FAM168A: variants seen among roughly 807,000 people sequenced by gnomAD.
FAM168A encodes protein FAM168A.
Under a neutral mutation model 28.5 loss-of-function variants are expected in FAM168A, and 3 were observed. That is an observed-to-expected ratio of 0.11 (90% CI 0.05 to 0.27). The LOEUF (loss-of-function observed/expected upper bound fraction) is 0.27. Among genes scored for constraint, FAM168A ranks in the 10% least tolerant of loss-of-function variants. The pLI is 1.00. For missense variants in FAM168A, 222 were observed against 311.5 expected, an observed-to-expected ratio of 0.71 and a Z score of 2.16; for synonymous variants, 122 against 124.2, an observed-to-expected ratio of 0.98 and a Z score of 0.12.
intron 1 of FAM168A, among the ~76,000 whole-genome samples, chr11:73,587,582 G>A (rs888905272): frequency 6.6e-6 from 1 of 152,064 alleles, no homozygotes; most frequent in Non-Finnish European, 1.5e-5. Context: ...CCAGCTACTA[G>A]AGAAGCTGAG....
At chr11:73,473,918 A>G (rs1287286780) in intron 1 of FAM168A, among the ~76,000 whole-genome samples, 1 of 151,824 alleles carries the variant, frequency 6.6e-6, no homozygotes, top group African/African-American at 2.4e-5. Context: ...GGTTCAAGCA[A>G]TCTGCCTCAG....
chr11:73,433,096 TTTTTTTTTTG>T (rs1867025060), intron 2 of FAM168A, among the ~76,000 whole-genome samples: 2 of 141,824 alleles, frequency 1.4e-5, no homozygotes, highest in African/African-American at 5.4e-5. Flanking sequence ...TTTTTTTTTT[TTTTTTTTTTG>T]TAGAGACGGG....
At chr11:73,417,559 C>CTT (rs11284405) in intron 4 of FAM168A, among the ~76,000 whole-genome samples, 101 of 129,986 alleles carry the variant, frequency 7.8e-4, no homozygotes, top group East Asian at 1.4e-3. Flanking sequence ...ACCTCTCTCT[C>CTT]TTTTTTTTTT....
intron 1 of FAM168A, among the ~76,000 whole-genome samples, chr11:73,474,452 C>T (rs1398079982): frequency 6.6e-6 from 1 of 152,048 alleles, no homozygotes; most frequent in Non-Finnish European, 1.5e-5. Context: ...ATCCTCCTGC[C>T]CTAGTCTCCC....
chr11:73,500,329 G>C (rs925037387), intron 1 of FAM168A, among the ~76,000 whole-genome samples: 1 of 145,508 alleles, frequency 6.9e-6, no homozygotes, highest in Non-Finnish European at 1.5e-5. Flanking sequence ...CATGATCCCA[G>C]CTCACTGCAA....
intron 3 of FAM168A, among the ~76,000 whole-genome samples, chr11:73,426,031 A>T (rs1414138394): frequency 6.6e-6 from 1 of 152,186 alleles, no homozygotes; most frequent in East Asian, 1.9e-4. Flanking sequence ...ACCCTTCTCC[A>T]AGTTTGTTGT....
chr11:73,484,175 C>A (rs564416584), intron 1 of FAM168A, among the ~76,000 whole-genome samples: 1 of 152,198 alleles, frequency 6.6e-6, no homozygotes, highest in South Asian at 2.1e-4. Context: ...ACGTTATATA[C>A]CATAACTGTT....
At chr11:73,574,461 C>G (rs1944146370) in intron 1 of FAM168A, among the ~76,000 whole-genome samples, 1 of 152,176 alleles carries the variant, frequency 6.6e-6, no homozygotes, top group South Asian at 2.1e-4. Context: ...CTAACTGCCC[C>G]TTAAACAAAT....
At chr11:73,460,279 T>G (rs1300338556) in intron 2 of FAM168A, among the ~76,000 whole-genome samples, 1 of 152,130 alleles carries the variant, frequency 6.6e-6, no homozygotes, top group Non-Finnish European at 1.5e-5. Flanking sequence ...GGCTACTCAT[T>G]AGCAAGGATA....
At chr11:73,589,900 C>T (rs1164123699) in intron 1 of FAM168A, among the ~76,000 whole-genome samples, 2 of 152,016 alleles carry the variant, frequency 1.3e-5, no homozygotes, top group African/African-American at 4.8e-5. Context: ...GCACTCCAGC[C>T]TGGGCGACAA....
chr11:73,548,291 A>G (rs961467839), intron 1 of FAM168A, among the ~76,000 whole-genome samples: 1 of 151,958 alleles, frequency 6.6e-6, no homozygotes, highest in African/African-American at 2.4e-5. Flanking sequence ...TATACATGGT[A>G]GTATGAAATA....
intron 2 of FAM168A, among the ~76,000 whole-genome samples, chr11:73,462,371 T>C (rs1308220399): frequency 6.6e-6 from 1 of 152,188 alleles, no homozygotes; most frequent in African/African-American, 2.4e-5. Context: ...TATGATTTCA[T>C]TTATATGAGC....
intron 1 of FAM168A, among the ~76,000 whole-genome samples, chr11:73,556,913 T>C (rs1943898337): frequency 6.6e-6 from 1 of 150,978 alleles, no homozygotes; most frequent in Non-Finnish European, 1.5e-5. Flanking sequence ...CCTATAATCC[T>C]AGCTACTTGG....
chr11:73,458,342 G>T (rs1867578045), intron 2 of FAM168A, among the ~76,000 whole-genome samples: 1 of 152,202 alleles, frequency 6.6e-6, no homozygotes. Flanking sequence ...TCACAAGCAA[G>T]GGTGTGTAGC....
intron 1 of FAM168A, among the ~76,000 whole-genome samples, chr11:73,530,874 G>C (rs551719319): frequency 6.6e-6 from 1 of 152,244 alleles, no homozygotes; most frequent in Non-Finnish European, 1.5e-5. Flanking sequence ...GGAGTGACCT[G>C]CCCAAAGTCA....
At chr11:73,470,449 T>C (rs1455770580) in intron 1 of FAM168A, among the ~76,000 whole-genome samples, 1 of 152,174 alleles carries the variant, frequency 6.6e-6, no homozygotes, top group Non-Finnish European at 1.5e-5. Flanking sequence ...GGAAGCTTAA[T>C]AACCATTTTA....
At chr11:73,573,785 G>A (rs1345314237) in intron 1 of FAM168A, among the ~76,000 whole-genome samples, 1 of 152,136 alleles carries the variant, frequency 6.6e-6, no homozygotes, top group Non-Finnish European at 1.5e-5. Context: ...TAGAGACCCT[G>A]TCTCTACAAA....
chr11:73,442,846 T>A (rs935920719), intron 2 of FAM168A, among the ~76,000 whole-genome samples: 2 of 146,806 alleles, frequency 1.4e-5, no homozygotes, highest in Admixed American at 6.8e-5. Flanking sequence ...TTCTTTTTTT[T>A]TTTTTTGAGA....
At chr11:73,457,779 G>T (rs1232755604) in intron 2 of FAM168A, among the ~76,000 whole-genome samples, 1 of 93,432 alleles carries the variant, frequency 1.1e-5, no homozygotes. Flanking sequence ...AGAAAAAAAA[G>T]GCTAAAATGG....
Sources: allele counts gnomAD v4.1 joint callset (sites outside exome capture counted in the v4.1 genomes callset), GRCh38; gene constraint gnomAD v4.1.1; transcripts MANE v1.5; gene names NCBI Gene and HGNC (gene_info 2026-07-23, HGNC 2026-07-21).